RTN4: variants seen among roughly 807,000 people sequenced by gnomAD.
The protein encoded by RTN4 is reticulon 4, also known as reticulon-4.
RTN4 carries 32 observed loss-of-function variants against 90.4 expected under a neutral mutation model. That is an observed-to-expected ratio of 0.35 (90% CI 0.27 to 0.48). The LOEUF (loss-of-function observed/expected upper bound fraction) is 0.48, where lower values mean the gene tolerates loss of function less well. Ranked by LOEUF, RTN4 falls within the 20% of genes least tolerant of loss-of-function variation. The pLI is 0.99. For missense variants in RTN4, 1,706 were observed against 1,430.2 expected (o/e 1.19, Z -3.11); for synonymous variants, 629 against 552.5 (o/e 1.14, Z -1.94).
intron 3 of RTN4, among the ~76,000 whole-genome samples, chr2:55,008,727 A>G (rs1240720671): frequency 6.6e-6 from 1 of 152,142 alleles, no homozygotes; most frequent in African/African-American, 2.4e-5. Context: ...AGAACTTAAG[A>G]TGTTATTTAA....
At chr2:55,024,987 G>C (rs989536938) in intron 3 of RTN4, 99 bp downstream of exon 3, 46 of 1,373,884 alleles carry the variant, frequency 3.3e-5, no homozygotes, top group Non-Finnish European at 5.9e-6. Context: ...TGTGACATAT[G>C]AGACACTATA....
the RTN4 span, among the ~76,000 whole-genome samples, chr2:55,137,731 C>T: frequency 6.6e-6 from 1 of 152,136 alleles, no homozygotes; most frequent in Admixed American, 6.5e-5. Flanking sequence ...GCTCTCTCCA[C>T]CTCCGACCTC....
chr2:55,060,490 C>A (rs1045490464), intron 2 of RTN4: 1 of 152,190 alleles, frequency 6.6e-6, no homozygotes, highest in African/African-American at 2.4e-5. Context: ...CTTTATCATC[C>A]TCACATATTC....
chr2:55,038,740 C>A (rs1682862277), intron 1 of RTN4, among the ~76,000 whole-genome samples: 1 of 152,166 alleles, frequency 6.6e-6, no homozygotes. Context: ...CATGACTCAG[C>A]AATTCTACTC....
intron 1 of RTN4, among the ~76,000 whole-genome samples, chr2:55,038,697 C>T (rs1682858661): frequency 6.6e-6 from 1 of 152,192 alleles, no homozygotes; most frequent in Non-Finnish European, 1.5e-5. Context: ...AACAGTTAAG[C>T]AACTTCTTAT....
intron 1 of RTN4, chr2:55,048,949 G>C: frequency 4.5e-6 from 1 of 222,534 alleles, no homozygotes; most frequent in Non-Finnish European, 7.6e-6. Context: ...CTCCGACCCT[G>C]CAGCTGAAAC....
intron 3 of RTN4, among the ~76,000 whole-genome samples, chr2:54,990,403 T>C (rs1678908668): frequency 6.6e-6 from 1 of 152,150 alleles, no homozygotes; most frequent in South Asian, 2.1e-4. Context: ...GATTTGTCAA[T>C]AAAAAAATAG....
chr2:55,109,452 A>G (rs1205299266), intron 1 of RTN4, among the ~76,000 whole-genome samples: 1 of 152,098 alleles, frequency 6.6e-6, no homozygotes, highest in Non-Finnish European at 1.5e-5. Flanking sequence ...CTATAGAAAA[A>G]CCAACAGGTA....
chr2:55,027,042 A>G lies in RTN4; in HGVS notation c.1057T>C (p.Leu353=). The G allele has an allele frequency of 1.2e-6, 2 of 1,613,484 alleles. No homozygotes were observed. The highest frequency in any genetic ancestry group is 1.3e-5 in the African/African-American group (1 of 74,986). Residue 353 remains leucine, a synonymous_variant, in exon 3 of 9, where the codon TTG becomes CTG. Coordinates refer to ENST00000337526, the MANE Select transcript of RTN4 (RefSeq NM_020532.5). ...QQELPTALTK[L]VKEDEVVSSE... is the part of the protein sequence containing the mutation. Reference sequence around the variant, plus strand: ...GACACAACTTCATCCTCTTTAACCAATTTAGTAAGAGCTGTAGGTAACTCT... The same window carrying G: ...GACACAACTTCATCCTCTTTAACCAGTTTAGTAAGAGCTGTAGGTAACTCT...
chr2:55,130,535 G>T, the RTN4 span, among the ~76,000 whole-genome samples: 1 of 152,140 alleles, frequency 6.6e-6, no homozygotes, highest in Non-Finnish European at 1.5e-5. Flanking sequence ...CAGACTGCTC[G>T]AGCCCAGGAG....
chr2:54,998,188 G>A (rs771964729), intron 3 of RTN4, among the ~76,000 whole-genome samples: 1 of 150,458 alleles, frequency 6.6e-6, no homozygotes, highest in Non-Finnish European at 1.5e-5. Flanking sequence ...CAGGGGCTGG[G>A]GAAAAAGGGA....
At chr2:55,003,804 G>GT (rs1680013591) in intron 3 of RTN4, among the ~76,000 whole-genome samples, 1 of 152,094 alleles carries the variant, frequency 6.6e-6, no homozygotes. Flanking sequence ...ATTGTAAAAA[G>GT]TAACTCAGAG....
At chr2:55,071,364 A>C (rs956190776) in intron 2 of RTN4, among the ~76,000 whole-genome samples, 1 of 152,046 alleles carries the variant, frequency 6.6e-6, no homozygotes, top group African/African-American at 2.4e-5. Flanking sequence ...AAACAACGAA[A>C]GGAGATGGAA....
intron 5 of RTN4, among the ~76,000 whole-genome samples, chr2:54,981,028 G>T (rs1678076300): frequency 6.6e-6 from 1 of 152,176 alleles, no homozygotes. Context: ...TTTATTTACA[G>T]ACTAACATCA....
rs185669024 is a variant in RTN4 at position 55,011,437 on chromosome 2, C to A, written c.3013+13649G>T. Reference sequence around the variant, plus strand: ...CCAATGCAGTGTCTCTACTTATGTTCCACAATCAATTCACCTGATACTTAT... The same window carrying A: ...CCAATGCAGTGTCTCTACTTATGTTACACAATCAATTCACCTGATACTTAT... On this transcript the variant is annotated intron_variant, in intron 3 of 8. Coordinates refer to ENST00000337526, the MANE Select transcript of RTN4 (RefSeq NM_020532.5). Among the ~76,000 whole-genome samples the A allele has an allele frequency of 2.0e-3, 300 of 152,296 alleles. 2 individuals are homozygous for A. The highest frequency in any genetic ancestry group is 3.2e-3 in the Non-Finnish European group (220 of 68,018).
At chr2:55,122,367 T>C in the RTN4 span, among the ~76,000 whole-genome samples, 5 of 152,152 alleles carry the variant, frequency 3.3e-5, no homozygotes, top group Admixed American at 6.5e-5. Context: ...AAGAAGTCAT[T>C]ACTTCCCCAC....
intron 1 of RTN4, among the ~76,000 whole-genome samples, chr2:55,031,859 C>T (rs139480284): frequency 1.3e-5 from 2 of 152,212 alleles, no homozygotes; most frequent in Non-Finnish European, 2.9e-5. Context: ...TGTAAGTCTG[C>T]AGACCCCTAC....
chr2:55,079,750 G>C (rs761325848), intron 2 of RTN4, among the ~76,000 whole-genome samples: 4 of 152,126 alleles, frequency 2.6e-5, no homozygotes, highest in Non-Finnish European at 5.9e-5. Context: ...CTCCTACATA[G>C]GGATGATGCC....
At chr2:54,994,805 C>A (rs1398318438) in intron 3 of RTN4, among the ~76,000 whole-genome samples, 2 of 152,192 alleles carry the variant, frequency 1.3e-5, no homozygotes, top group African/African-American at 4.8e-5. Context: ...TACAGTAAAT[C>A]CTCACTTAAA....
Sources: allele counts gnomAD v4.1 joint callset (sites outside exome capture counted in the v4.1 genomes callset), GRCh38; gene constraint gnomAD v4.1.1; transcripts MANE v1.5; gene names NCBI Gene and HGNC (gene_info 2026-07-23, HGNC 2026-07-21).